ERMP1: variants seen among roughly 807,000 people sequenced by gnomAD.
ERMP1 encodes endoplasmic reticulum metallopeptidase 1.
ERMP1 carries 86 observed loss-of-function variants against 92.0 expected under a neutral mutation model. The observed-to-expected ratio is 0.93, with a 90% confidence interval of 0.79 to 1.12. The LOEUF is 1.12. Among genes scored for constraint, ERMP1 ranks in the 50% most tolerant of loss-of-function variants. The probability of loss-of-function intolerance (pLI) is 0.00; values close to 1 mark genes in which losing one functional copy is unlikely to be tolerated. For missense variants in ERMP1, 1,342 were observed against 1,116.3 expected (o/e 1.20, Z -2.88); for synonymous variants, 530 against 412.8 (o/e 1.28, Z -3.44).
chr9:5,832,865 C>G lies in ERMP1; in HGVS notation c.163G>C (p.Gly55Arg). ...GGGRTRKRSP[G>R]GSGGASRGAG... The stretch of plus-strand genomic sequence containing the variant: ...CCCCTGCTCGCGCCGCCGCTACCCC[C>G]GGGGCTCCTCTTCCGCGTCCTCCCG... The change falls in exon 1 of 15, where the codon GGG becomes CGG. Residue 55 changes from glycine to arginine, a missense_variant. Physicochemically the swap from Gly to Arg is moderately radical, Grantham distance 125. Transcript: ENST00000339450. The G allele has an allele frequency of 2.6e-6, 4 of 1,521,440 alleles. No homozygotes were observed. The highest frequency in any genetic ancestry group is 3.5e-6 in the Non-Finnish European group (4 of 1,143,762). 94.2% of individuals were successfully genotyped at this position (1,521,440 alleles called of 1,614,324 possible).
chr9:5,787,259 T>TG lies in ERMP1; in HGVS notation c.2599dup (p.His867ProfsTer55). On this transcript the variant is annotated frameshift_variant, in exon 15 of 15. Coordinates refer to ENST00000339450, the MANE Select transcript of ERMP1 (RefSeq NM_024896.3). LOFTEE classifies it high-confidence loss of function. ...TCTCTTGTCTTCCCCAGACAGATAG[T>TG]GGGCAGCAATGGCCACGGTGACCAT... The TG allele has an allele frequency of 6.2e-7, 1 of 1,614,032 alleles. No homozygotes were observed. Among genetic ancestry groups the TG allele is most frequent in the Non-Finnish European group, 8.5e-7 (1 of 1,179,976 alleles).
intron 4 of ERMP1, among the ~76,000 whole-genome samples, chr9:5,814,236 G>A (rs78027543): frequency 1.3e-3 from 193 of 152,218 alleles, no homozygotes; most frequent in African/African-American, 4.4e-3. Context: ...CATAATAACC[G>A]TGGACCATAA....
intron 1 of ERMP1, among the ~76,000 whole-genome samples, chr9:5,831,515 G>T (rs1829938423): frequency 6.6e-6 from 1 of 152,230 alleles, no homozygotes; most frequent in Admixed American, 6.5e-5. Flanking sequence ...GGCTGAGGTG[G>T]GAGGACTGCT....
In ERMP1 at chr9:5,831,012, T is replaced by G; in HGVS notation, c.355A>C (p.Ile119Leu). ...ALQARDYLEH[I>L]TSIGPRTTGS... is the part of the protein sequence containing the mutation. ...GTAGTCCTGGGGCCAATGGAGGTTA[T>G]GTGTTCAAGATAATCCCTGGAAGTA... is the stretch of plus-strand genomic sequence containing the variant. The change falls in exon 2 of 15, where the codon ATA becomes CTA. Residue 119 changes from isoleucine (I) to leucine (L), a missense_variant. Coordinates refer to ENST00000339450, the MANE Select transcript of ERMP1 (RefSeq NM_024896.3). 1 of 1,613,752 alleles carries G rather than the reference T, an allele frequency of 6.2e-7. No homozygotes were observed. The highest frequency in any genetic ancestry group is 8.5e-7 in the Non-Finnish European group (1 of 1,179,700).
At chr9:5,840,841 T>C (rs556105880) in intron 6 of ERMP1, among the ~76,000 whole-genome samples, 2 of 152,254 alleles carry the variant, frequency 1.3e-5, no homozygotes, top group East Asian at 1.9e-4. Context: ...TTCATTTGCA[T>C]GGCATTACAG....
At position 5,787,146 on chromosome 9, in the gene ERMP1, A is replaced by T. The variant is rs369820037; in HGVS notation, c.2713T>A (p.Ter905LysextTer4). 1.2e-6 allele frequency: 2 copies of T among 1,612,270 alleles called. No homozygotes were observed. Among genetic ancestry groups the T allele is most frequent in the African/African-American group, 1.3e-5 (1 of 74,918 alleles). ...WVCTYDLFVF[*>K] Reference sequence around the variant, plus strand: ...GTACTTAGAGCTCATCCACAAGATTAAAATACAAAGAGATCGTAGGTGCAC... The same window carrying T: ...GTACTTAGAGCTCATCCACAAGATTTAAATACAAAGAGATCGTAGGTGCAC... Residue 905 changes from the stop codon to lysine (K), a stop_lost, in exon 15 of 15, where the codon TAA (stop) becomes AAA (lysine). Coordinates refer to ENST00000339450, the MANE Select transcript of ERMP1 (RefSeq NM_024896.3).
intron 6 of ERMP1, among the ~76,000 whole-genome samples, chr9:5,844,963 C>T (rs1830217207): frequency 6.6e-6 from 1 of 152,106 alleles, no homozygotes; most frequent in African/African-American, 2.4e-5. Context: ...AGGATGTGTC[C>T]TGGCCCCTCT....
At chr9:5,795,175 G>C (rs1387969117) in intron 13 of ERMP1, among the ~76,000 whole-genome samples, 2 of 152,088 alleles carry the variant, frequency 1.3e-5, no homozygotes, top group Non-Finnish European at 2.9e-5. Context: ...TGCAGGAAAA[G>C]CAACTGACAA....
intron 6 of ERMP1, among the ~76,000 whole-genome samples, chr9:5,848,456 C>T (rs1020492870): frequency 9.2e-5 from 14 of 152,262 alleles, no homozygotes; most frequent in African/African-American, 3.1e-4. Flanking sequence ...ATAATACATT[C>T]GTATTGTTCT....
upstream of ERMP1, among the ~76,000 whole-genome samples, chr9:5,835,420 G>A (rs1259621062): frequency 6.6e-6 from 1 of 152,134 alleles, no homozygotes; most frequent in Non-Finnish European, 1.5e-5. Context: ...AATAAAGCAG[G>A]GAAATTGAGA....
intron 6 of ERMP1, among the ~76,000 whole-genome samples, chr9:5,855,062 A>G (rs1221775775): frequency 6.6e-6 from 1 of 152,216 alleles, no homozygotes; most frequent in East Asian, 1.9e-4. Context: ...ATTCAAAGCA[A>G]TCTTCTTGTT....
chr9:5,809,253 C>G (rs1381227344), intron 8 of ERMP1, among the ~76,000 whole-genome samples: 1 of 151,692 alleles, frequency 6.6e-6, no homozygotes, highest in African/African-American at 2.4e-5. Flanking sequence ...ATCTCCTGAC[C>G]TTGTGATCCG....
At chr9:5,857,401 A>G (rs1419084462) in intron 6 of ERMP1, among the ~76,000 whole-genome samples, 1 of 152,204 alleles carries the variant, frequency 6.6e-6, no homozygotes, top group Non-Finnish European at 1.5e-5. Flanking sequence ...GCACGTGCAC[A>G]TCCAGCAACT....
At chr9:5,792,076 C>G (rs1376395497) in intron 13 of ERMP1, among the ~76,000 whole-genome samples, 1 of 152,128 alleles carries the variant, frequency 6.6e-6, no homozygotes, top group Non-Finnish European at 1.5e-5. Flanking sequence ...AAGAGTATCA[C>G]TCATACCAGA....
At chr9:5,854,954 T>A (rs1830355367) in intron 6 of ERMP1, among the ~76,000 whole-genome samples, 1 of 152,208 alleles carries the variant, frequency 6.6e-6, no homozygotes, top group Non-Finnish European at 1.5e-5. Flanking sequence ...GTTGAATCTT[T>A]TCGCAGTAAC....
intron 13 of ERMP1, chr9:5,791,147 C>A: frequency 2.2e-6 from 1 of 448,256 alleles, no homozygotes; most frequent in Admixed American, 2.4e-5. Context: ...TTAGCATTCT[C>A]CAGGGAAACC....
Position 5,833,080 on chromosome 9 carries a change from C to CGGCCGCCGA in ERMP1, c.-54_-53insTCGGCGGCC. 2 of 1,364,372 alleles carry CGGCCGCCGA rather than the reference C, an allele frequency of 1.5e-6. No individual in the cohort carries two copies. Among genetic ancestry groups the CGGCCGCCGA allele is most frequent in the Non-Finnish European group, 1.9e-6 (2 of 1,055,896 alleles). 84.5% of individuals were successfully genotyped at this position (1,364,372 alleles called of 1,614,324 possible). On this transcript the variant is annotated 5_prime_UTR_variant, in exon 1 of 15. Transcript: ENST00000339450. ...CCGCCCCAACCCGCGACAGCCCCGG[C>CGGCCGCCGA]CGCCGCCGACGCCGCCGTCGCTGCC...
chr9:5,863,039 G>A (rs764599569), intron 5 of ERMP1, among the ~76,000 whole-genome samples: 2 of 152,112 alleles, frequency 1.3e-5, no homozygotes, highest in Non-Finnish European at 2.9e-5. Context: ...TTTTTGCTTT[G>A]AGTTTGGAAA....
At chr9:5,815,819 A>G (rs958803873) in intron 4 of ERMP1, among the ~76,000 whole-genome samples, 38 of 152,326 alleles carry the variant, frequency 2.5e-4, no homozygotes, top group African/African-American at 8.4e-4. Flanking sequence ...ACAAACAGAT[A>G]CCACATGCAT....
Sources: allele counts gnomAD v4.1 joint callset (sites outside exome capture counted in the v4.1 genomes callset), GRCh38; gene constraint gnomAD v4.1.1; transcripts MANE v1.5; gene names NCBI Gene and HGNC (gene_info 2026-07-23, HGNC 2026-07-21).